The following MEGF6 variants were observed in gnomAD, a reference collection of about 807,000 sequenced individuals.
MEGF6 encodes the protein multiple epidermal growth factor-like domains protein 6.
MEGF6 carries 184 observed loss-of-function variants against 207.1 expected under a neutral mutation model. The ratio of observed to expected loss-of-function variants is 0.89; its 90% CI spans 0.79 to 1.00. The LOEUF is 1.00. MEGF6 is among the 50% of genes least tolerant of loss of function. The pLI, the probability that MEGF6 is intolerant of heterozygous loss-of-function variation, is 0.00. For synonymous variants in MEGF6, 1,038 were observed against 910.0 expected, an observed-to-expected ratio of 1.14 and a Z score of -2.53; for missense variants, 2,282 against 2,202.9, an observed-to-expected ratio of 1.04 and a Z score of -0.72.
intron 4 of MEGF6, among the ~76,000 whole-genome samples, chr1:3,575,203 T>C (rs1331244681): frequency 6.6e-6 from 1 of 152,200 alleles, no homozygotes; most frequent in East Asian, 1.9e-4. Context: ...GGGGCATCCA[T>C]CCACGCTTGC....
intron 4 of MEGF6, among the ~76,000 whole-genome samples, chr1:3,558,452 G>A (rs1643097958): frequency 6.6e-6 from 1 of 152,156 alleles, no homozygotes; most frequent in Non-Finnish European, 1.5e-5. Context: ...GGACAACTAA[G>A]GCCCTCCTCA....
chr1:3,579,980 G>A, intron 3 of MEGF6, 51 bp from the exon 4 acceptor site: 2 of 1,355,720 alleles, frequency 1.5e-6, no homozygotes, highest in Non-Finnish European at 2.0e-6. Context: ...GGGTGAGGCA[G>A]GGGGAGGTGA....
intron 3 of MEGF6, among the ~76,000 whole-genome samples, chr1:3,591,626 G>A (rs1266383698): frequency 1.3e-5 from 2 of 151,486 alleles, no homozygotes; most frequent in East Asian, 3.9e-4. Flanking sequence ...GGGGGCTGTT[G>A]GGGGCTGCTA....
intron 4 of MEGF6, among the ~76,000 whole-genome samples, chr1:3,554,261 C>A (rs1252230327): frequency 1.3e-5 from 2 of 152,174 alleles, no homozygotes; most frequent in African/African-American, 4.8e-5. Context: ...CAACACTGGG[C>A]TGGGAGCATC....
At chr1:3,504,911 G>A (rs1355478800) in intron 17 of MEGF6, among the ~76,000 whole-genome samples, 1 of 152,164 alleles carries the variant, frequency 6.6e-6, no homozygotes, top group Admixed American at 6.5e-5. Context: ...AGAAGCAAGT[G>A]GACCAGGGAG....
In MEGF6 at chr1:3,494,017, G is replaced by A. The variant is rs61746168; in HGVS notation, c.4237C>T (p.His1413Tyr). The change falls in exon 33 of 37, where the codon CAC becomes TAC. Residue 1413 changes from histidine to tyrosine, a missense_variant. Physicochemically the swap from His to Tyr is moderately conservative, Grantham distance 83 (BLOSUM62 2). Transcript: ENST00000356575. The stretch of plus-strand genomic sequence containing the variant: ...TCACCCCTCTCACAGAAGTGGCCGT[G>A]GAAGCCGGCAGGGCAGAGGCATCGG... The part of the protein sequence containing the change: ...SGRCLCPAGF[H>Y]GHFCERGCEP... 135,939 of 1,605,798 alleles carry A rather than the reference G, an allele frequency of 0.085. 8,583 individuals carry two copies. The highest frequency in any genetic ancestry group is 0.3 in the African/African-American group (22,316 of 74,840).
In MEGF6 at chr1:3,507,861, T is replaced by G. The variant is rs1353066536; in HGVS notation, c.1723A>C (p.Thr575Pro). The change falls in exon 14 of 37, where the codon ACC becomes CCC. Residue 575 changes from threonine (T) to proline (P), a missense_variant. Physicochemically the swap from Thr to Pro is conservative, Grantham distance 38. Coordinates refer to ENST00000356575, the MANE Select transcript of MEGF6 (RefSeq NM_001409.4). ...SFSCSCQNGG[T>P]CDSVTGACRC... ...CAGGCCCCCGTGACAGAGTCGCAGG[T>G]CCCACCATTCTGACAGCTGCAGGAG... is the stretch of plus-strand genomic sequence containing the variant. The G allele has an allele frequency of 1.6e-5, 26 of 1,612,560 alleles. No individual in the cohort carries two copies. Among genetic ancestry groups the G allele is most frequent in the Non-Finnish European group, 2.1e-5 (25 of 1,179,970 alleles).
At chr1:3,514,401 C>T (rs573998457) in intron 7 of MEGF6, 149 bp downstream of exon 7, 32 of 1,024,974 alleles carry the variant, frequency 3.1e-5, no homozygotes, top group Admixed American at 1.5e-4. Flanking sequence ...GAGATGAGAC[C>T]GCCACATCCC....
At chr1:3,587,769 G>C (rs765599683) in intron 3 of MEGF6, among the ~76,000 whole-genome samples, 1 of 152,064 alleles carries the variant, frequency 6.6e-6, no homozygotes, top group Non-Finnish European at 1.5e-5. Flanking sequence ...CAGACTCAAA[G>C]CCTGCGCAGG....
chr1:3,614,129 C>T (rs886601972), upstream of MEGF6, among the ~76,000 whole-genome samples: 1 of 152,182 alleles, frequency 6.6e-6, no homozygotes, highest in African/African-American at 2.4e-5. Context: ...TCCCCCACTG[C>T]GCTCGCTCGT....
rs953137254 is a variant in MEGF6 at position 3,559,645 on chromosome 1, G to A, written c.481+20180C>T. ...AGTATGAAGCCCAGACACTGAAAGCGCAGAGCCATCCTCTGCGGAAGACAC... is the reference window on the plus strand; with the variant it reads ...AGTATGAAGCCCAGACACTGAAAGCACAGAGCCATCCTCTGCGGAAGACAC... On this transcript the variant is annotated intron_variant, in intron 4 of 36. Transcript: ENST00000356575. Among the ~76,000 whole-genome samples, 16 of 151,908 alleles carry A rather than the reference G, an allele frequency of 1.1e-4. No individual in the cohort carries two copies. The South Asian group carries it at 1.5e-3, about 14-fold the overall frequency.
intron 4 of MEGF6, chr1:3,531,589 TC>T (rs1642176045): frequency 6.5e-6 from 5 of 767,362 alleles, no homozygotes; most frequent in Non-Finnish European, 6.4e-6. Flanking sequence ...GCGTGCGCGC[TC>T]CCGGACCCGG....
intron 4 of MEGF6, among the ~76,000 whole-genome samples, chr1:3,553,911 C>T (rs1031541832): frequency 3.3e-5 from 5 of 152,196 alleles, no homozygotes; most frequent in African/African-American, 7.2e-5. Flanking sequence ...CAGAAAGTGC[C>T]GACGTGGGTG....
At chr1:3,517,587 G>A (rs1401176398) in intron 5 of MEGF6, among the ~76,000 whole-genome samples, 3 of 152,306 alleles carry the variant, frequency 2.0e-5, no homozygotes, top group Middle Eastern at 3.4e-3. Context: ...CCACCCCTGC[G>A]TGGCCAGTGC....
At position 3,538,577 on chromosome 1, in the gene MEGF6, G is replaced by A. The variant is rs138282807; in HGVS notation, c.482-14331C>T. Among the ~76,000 whole-genome samples, 287 of 152,254 alleles carry A rather than the reference G, an allele frequency of 1.9e-3. 2 individuals are homozygous for A. The highest frequency in any genetic ancestry group is 6.6e-3 in the African/African-American group (276 of 41,552). On this transcript the variant is annotated intron_variant, in intron 4 of 36. Coordinates refer to ENST00000356575, the MANE Select transcript of MEGF6 (RefSeq NM_001409.4). The stretch of plus-strand genomic sequence containing the variant: ...CACACCAGCCCCCAGGTGAGCCCAC[G>A]ATGGAGTGGTCCTGTCTCCTGGCTC...
At chr1:3,593,195 G>T (rs894830532) in intron 3 of MEGF6, among the ~76,000 whole-genome samples, 3 of 152,110 alleles carry the variant, frequency 2.0e-5, no homozygotes, top group Non-Finnish European at 4.4e-5. Flanking sequence ...GGCCCTGCTG[G>T]GACCATCGAG....
upstream of MEGF6, among the ~76,000 whole-genome samples, chr1:3,615,254 G>A (rs1644368386): frequency 2.0e-5 from 3 of 152,206 alleles, no homozygotes; most frequent in Admixed American, 2.0e-4. Context: ...CGCAGCAGGG[G>A]GTGCACTTTC....
chr1:3,572,008 G>A (rs1178302845), intron 4 of MEGF6, among the ~76,000 whole-genome samples: 3 of 139,936 alleles, frequency 2.1e-5, no homozygotes, highest in Non-Finnish European at 3.1e-5. Flanking sequence ...GGGTGTGCTG[G>A]GTCCTTCCTG....
chr1:3,593,166 G>A (rs1490466803), intron 3 of MEGF6, among the ~76,000 whole-genome samples: 2 of 152,168 alleles, frequency 1.3e-5, no homozygotes, highest in Non-Finnish European at 1.5e-5. Context: ...GCTGGTGATG[G>A]AGATGGGCAC....
Sources: allele counts gnomAD v4.1 joint callset (sites outside exome capture counted in the v4.1 genomes callset), GRCh38; gene constraint gnomAD v4.1.1; transcripts MANE v1.5; gene names NCBI Gene and HGNC (gene_info 2026-07-23, HGNC 2026-07-21).